The following PALLD variants were observed in gnomAD, a reference collection of about 807,000 sequenced individuals.
The protein encoded by PALLD is palladin.
Under a neutral mutation model 123.5 loss-of-function variants are expected in PALLD, and 61 were observed. The observed-to-expected ratio is 0.49, with a 90% CI of 0.40 to 0.61. The LOEUF (loss-of-function observed/expected upper bound fraction) is 0.61, where lower values mean the gene tolerates loss of function less well. Among genes scored for constraint, PALLD ranks in the 20% least tolerant of loss-of-function variants. PALLD has a pLI of 0.00. For missense variants in PALLD, 1,273 were observed against 1,377.0 expected, an observed-to-expected ratio of 0.92 and a Z score of 1.20; for synonymous variants, 465 against 496.4, an observed-to-expected ratio of 0.94 and a Z score of 0.84.
At chr4:168,597,362 A>T (rs184871556) in intron 2 of PALLD, among the ~76,000 whole-genome samples, 29 of 152,238 alleles carry the variant, frequency 1.9e-4, no homozygotes, top group African/African-American at 7.0e-4. Context: ...AGTTTTGGAG[A>T]CTTCTTTAAG....
At chr4:168,882,746 T>A (rs1752780797) in intron 10 of PALLD, among the ~76,000 whole-genome samples, 1 of 152,150 alleles carries the variant, frequency 6.6e-6, no homozygotes, top group Non-Finnish European at 1.5e-5. Context: ...GCCTCCAGGA[T>A]CTGCTGCGAC....
intron 15 of PALLD, 192 bp downstream of exon 15, chr4:168,904,098 A>G (rs1302916251): frequency 6.6e-6 from 4 of 606,804 alleles, no homozygotes; most frequent in Non-Finnish European, 1.2e-5. Flanking sequence ...TATTTATTCC[A>G]TCAGGTGTTA....
chr4:168,750,662 C>G (rs1055436174), intron 10 of PALLD, among the ~76,000 whole-genome samples: 1 of 152,132 alleles, frequency 6.6e-6, no homozygotes, highest in African/African-American at 2.4e-5. Flanking sequence ...GATTTTTCTT[C>G]CAACTGCAAG....
intron 2 of PALLD, among the ~76,000 whole-genome samples, chr4:168,647,184 G>C (rs1158114473): frequency 6.6e-6 from 1 of 152,104 alleles, no homozygotes; most frequent in African/African-American, 2.4e-5. Context: ...TTTAAACCTA[G>C]AAGAAGTCCT....
At position 168,850,201 on chromosome 4, in the gene PALLD, G is replaced by A. The variant is rs559252137; in HGVS notation, c.1965-40721G>A. The stretch of plus-strand genomic sequence containing the variant: ...AGAACCAAGCGTGGGGGTAGCTCGC[G>A]AGGCCTCAGCCCTCCTGCTCCTGTG... On this transcript the variant is annotated intron_variant, in intron 10 of 21. Coordinates refer to ENST00000505667, the MANE Select transcript of PALLD (RefSeq NM_001166108.2). Among the ~76,000 whole-genome samples the A allele has an allele frequency of 2.0e-5, 3 of 152,146 alleles. No individual in the cohort carries two copies. In the South Asian group the frequency reaches 6.2e-4, roughly 32 times the overall value.
intron 10 of PALLD, among the ~76,000 whole-genome samples, chr4:168,833,956 A>G (rs1448433778): frequency 1.4e-5 from 2 of 147,004 alleles, no homozygotes; most frequent in African/African-American, 5.1e-5. Context: ...TTGAACCATA[A>G]ACATACGAGA....
chr4:168,684,675 A>G (rs10007682), intron 5 of PALLD, among the ~76,000 whole-genome samples: 2,063 of 152,318 alleles, frequency 0.014, 46 homozygotes, highest in African/African-American at 0.047. Flanking sequence ...GTGAAAAGTG[A>G]AACCCAGACC....
At chr4:168,673,070 G>A in intron 3 of PALLD, among the ~76,000 whole-genome samples, 1 of 152,102 alleles carries the variant, frequency 6.6e-6, no homozygotes, top group East Asian at 1.9e-4. Flanking sequence ...ATTTTTCAGG[G>A]CATATAATTG....
intron 10 of PALLD, among the ~76,000 whole-genome samples, chr4:168,749,272 T>C (rs1730713334): frequency 6.6e-6 from 1 of 152,200 alleles, no homozygotes; most frequent in African/African-American, 2.4e-5. Context: ...CTGTACATCC[T>C]GCAGAAACAT....
chr4:168,774,313 G>C (rs1734860706), intron 10 of PALLD, among the ~76,000 whole-genome samples: 1 of 151,916 alleles, frequency 6.6e-6, no homozygotes, highest in Non-Finnish European at 1.5e-5. Context: ...TTTCATTGCA[G>C]ATAATTTTTA....
intron 2 of PALLD, among the ~76,000 whole-genome samples, chr4:168,512,915 G>C (rs1301762030): frequency 1.3e-5 from 2 of 152,072 alleles, no homozygotes; most frequent in Admixed American, 6.6e-5. Context: ...TGAGGGGGGA[G>C]AGTAGGAGAA....
chr4:168,843,149 G>C (rs1002704475), intron 10 of PALLD, among the ~76,000 whole-genome samples: 1 of 152,230 alleles, frequency 6.6e-6, no homozygotes, highest in African/African-American at 2.4e-5. Context: ...CACAGAACAT[G>C]AAAGACTTCC....
chr4:168,836,573 G>C lies in PALLD; in HGVS notation c.1965-54349G>C, dbSNP rs938601222. On this transcript the variant is annotated intron_variant, in intron 10 of 21. Transcript: ENST00000505667. ...TAGTTATTGCTAACCAGGTGCTTCA[G>C]TTCTCACAAAATTGTGTGAGGTAGG... Among the ~76,000 whole-genome samples, 5 of 152,300 alleles carry C rather than the reference G, an allele frequency of 3.3e-5. No homozygotes were observed. The East Asian group carries it at 9.6e-4, about 29-fold the overall frequency.
intron 3 of PALLD, among the ~76,000 whole-genome samples, chr4:168,674,105 G>T (rs2150046706): frequency 6.6e-6 from 1 of 152,218 alleles, no homozygotes; most frequent in African/African-American, 2.4e-5. Context: ...AGTAAAGATG[G>T]GGTTTTGCCA....
chr4:168,596,721 TAAAA>T (rs56390001), intron 2 of PALLD, among the ~76,000 whole-genome samples: 1 of 132,866 alleles, frequency 7.5e-6, no homozygotes, highest in Non-Finnish European at 1.6e-5. Context: ...TTGGCCTTGT[TAAAA>T]AAAAAAAAAA....
chr4:168,713,114 T>A (rs1269234151), intron 10 of PALLD, among the ~76,000 whole-genome samples: 1 of 152,190 alleles, frequency 6.6e-6, no homozygotes, highest in Non-Finnish European at 1.5e-5. Context: ...AAAATCGATA[T>A]ATTGCTACCC....
chr4:168,711,176 T>A (rs915873032), intron 9 of PALLD, among the ~76,000 whole-genome samples: 7 of 152,218 alleles, frequency 4.6e-5, no homozygotes, highest in African/African-American at 1.7e-4. Flanking sequence ...ACATAAAACC[T>A]TTACAGCTTG....
intron 2 of PALLD, among the ~76,000 whole-genome samples, chr4:168,604,357 A>C (rs989372029): frequency 2.6e-5 from 4 of 152,214 alleles, no homozygotes; most frequent in Non-Finnish European, 4.4e-5. Flanking sequence ...ACCAAAGGAA[A>C]TGTCTCAATT....
At chr4:168,631,683 C>T (rs1338789026) in intron 2 of PALLD, 1 of 985,376 alleles carries the variant, frequency 1.0e-6, no homozygotes, top group African/African-American at 1.7e-5. Context: ...CGCCAGGAGG[C>T]TTCCCGGGAG....
Sources: gnomAD v4.1 joint callset for allele counts (sites outside exome capture counted in the v4.1 genomes callset) on GRCh38, gnomAD v4.1.1 for gene constraint, MANE v1.5 for transcripts, NCBI Gene and HGNC (gene_info 2026-07-23, HGNC 2026-07-21) for gene names.